RICTOR: variants seen among roughly 807,000 people sequenced by gnomAD.
The protein encoded by RICTOR is RPTOR independent companion of MTOR complex 2.
Under a neutral mutation model 214.9 loss-of-function variants are expected in RICTOR, and 49 were observed. The ratio of observed to expected loss-of-function variants is 0.23; its 90% CI spans 0.18 to 0.29. The LOEUF (loss-of-function observed/expected upper bound fraction) is 0.29, where lower values mean the gene tolerates loss of function less well. Ranked by LOEUF, RICTOR falls within the 10% of genes least tolerant of loss-of-function variation. RICTOR has a pLI of 1.00. For synonymous variants in RICTOR, 717 were observed against 711.3 expected (o/e 1.01, Z -0.13); for missense variants, 1,625 against 2,047.0 (o/e 0.79, Z 3.98).
intron 2 of RICTOR, among the ~76,000 whole-genome samples, chr5:39,034,351 G>C (rs186169910): frequency 6.6e-6 from 1 of 152,284 alleles, no homozygotes; most frequent in Admixed American, 6.5e-5. Context: ...CAAGATGGCC[G>C]AATAGGAATG....
chr5:38,961,613 T>G (rs1273290831), intron 19 of RICTOR, among the ~76,000 whole-genome samples: 3 of 152,190 alleles, frequency 2.0e-5, no homozygotes, highest in Non-Finnish European at 4.4e-5. Flanking sequence ...ATCATCTGTG[T>G]TCTCAAGGAG....
intron 2 of RICTOR, among the ~76,000 whole-genome samples, chr5:39,067,342 C>A (rs1758978447): frequency 6.6e-6 from 1 of 152,098 alleles, no homozygotes; most frequent in Non-Finnish European, 1.5e-5. Context: ...CCAGAACTCA[C>A]TATTGCAAAA....
chr5:39,018,458 T>C (rs1755138963), intron 3 of RICTOR, among the ~76,000 whole-genome samples: 1 of 152,188 alleles, frequency 6.6e-6, no homozygotes, highest in South Asian at 2.1e-4. Flanking sequence ...GCAAACCTGC[T>C]TCAAGCAAGT....
In RICTOR at chr5:38,953,461, C is replaced by A; in HGVS notation, c.2790G>T (p.Leu930Phe). 1.4e-6 allele frequency: 2 copies of A among 1,407,320 alleles called. No homozygotes were observed. Among genetic ancestry groups the A allele is most frequent in the East Asian group, 2.5e-5 (1 of 39,362 alleles). The allele number at this position is 1,407,320 out of a possible 1,614,324, so 87.2% of individuals were successfully genotyped here. Residue 930 changes from leucine (L) to phenylalanine (F), a missense_variant and splice_region_variant, in exon 28 of 38, where the codon TTG (leucine) becomes TTT (phenylalanine). Transcript: ENST00000357387. ...IKKLKASLWA[L>F]GNIGSSNWGL... is the part of the protein sequence containing the mutation. ...TCTTACAGAAGTGTTTATTACAAACCAAGGCCCAAAGAGATGCTTTCAGTT... is the reference window on the plus strand; with the variant it reads ...TCTTACAGAAGTGTTTATTACAAACAAAGGCCCAAAGAGATGCTTTCAGTT...
At position 38,950,493 on chromosome 5, in the gene RICTOR, T is replaced by C. The variant is rs1466811394; in HGVS notation, c.3355A>G (p.Lys1119Glu). The change falls in exon 31 of 38, where the codon AAA becomes GAA. Residue 1119 changes from lysine (K) to glutamate (E), a missense_variant. Lys to Glu is a moderately conservative substitution (Grantham distance 56). Around this residue, in one of 5 missense-constraint regions of RICTOR, gnomAD observed 1,214 missense variants for 1,470.5 expected, o/e 0.83. Transcript: ENST00000357387. ...CTTGTCTTACTTTCAGATGATAATT[T>C]CCCTCCTTTTGGATCACTGCTACTA... is the stretch of plus-strand genomic sequence containing the variant. ...HRSSSDPKGG[K>E]LSSESKTSNR... The C allele has an allele frequency of 2.5e-6, 4 of 1,613,352 alleles. No homozygotes were observed. Among genetic ancestry groups the C allele is most frequent in the East Asian group, 4.5e-5 (2 of 44,866 alleles).
intron 10 of RICTOR, among the ~76,000 whole-genome samples, chr5:38,972,422 A>G (rs566223568): frequency 6.6e-6 from 1 of 152,232 alleles, no homozygotes; most frequent in Non-Finnish European, 1.5e-5. Flanking sequence ...AAAATTTTTA[A>G]GTTACAGAAC....
At chr5:38,944,684 T>C in intron 35 of RICTOR, 115 bp from the exon 36 acceptor site, 5 of 991,500 alleles carry the variant, frequency 5.0e-6, no homozygotes, top group Middle Eastern at 3.0e-4. Context: ...TTACACATGA[T>C]CTACCAATCA....
At position 39,009,277 on chromosome 5, in the gene RICTOR, C is replaced by T. The variant is rs147274973; in HGVS notation, c.196-5655G>A. On this transcript the variant is annotated intron_variant, in intron 3 of 37. Coordinates refer to ENST00000357387, the MANE Select transcript of RICTOR (RefSeq NM_152756.5). ...TTTTCAAATTATCTACCTTCTCAGA[C>T]GAGAAAAATATATGACCATTTATCA... 1.1e-4 allele frequency among the ~76,000 whole-genome samples: 16 copies of T among 152,070 alleles called. No homozygotes were observed. In the East Asian group the frequency reaches 2.5e-3, roughly 24 times the overall value.
chr5:39,047,241 AG>A, intron 2 of RICTOR, among the ~76,000 whole-genome samples: 1 of 152,304 alleles, frequency 6.6e-6, no homozygotes, highest in East Asian at 1.9e-4. Context: ...TTCAATGGAC[AG>A]GGTCAAGTGG....
chr5:39,074,054 G>T, intron 2 of RICTOR, 57 bp downstream of exon 2: 4 of 1,380,214 alleles, frequency 2.9e-6, no homozygotes, highest in East Asian at 3.0e-5. Context: ...CCCCAGCCCC[G>T]GACCCGGCTC....
intron 2 of RICTOR, among the ~76,000 whole-genome samples, chr5:39,053,849 C>A (rs1193729545): frequency 3.7e-5 from 5 of 136,304 alleles, no homozygotes; most frequent in Non-Finnish European, 7.6e-5. Flanking sequence ...GCCGAGATTG[C>A]GCCACTGCAC....
chr5:39,005,258 A>G (rs988166097), intron 3 of RICTOR, among the ~76,000 whole-genome samples: 9 of 152,190 alleles, frequency 5.9e-5, no homozygotes, highest in Non-Finnish European at 1.0e-4. Flanking sequence ...ATATATTTTC[A>G]AAACTACTTC....
chr5:38,942,452 A>ATTTT, intron 37 of RICTOR, 74 bp from the exon 38 acceptor site: 27 of 564,274 alleles, frequency 4.8e-5, no homozygotes, highest in South Asian at 8.4e-5. Flanking sequence ...TAAATATCTA[A>ATTTT]TTTTTTTTTT....
chr5:38,964,816 A>G lies in RICTOR; in HGVS notation c.1376T>C (p.Phe459Ser). Residue 459 changes from phenylalanine to serine, a missense_variant, in exon 16 of 38, where the codon TTT becomes TCT. Transcript: ENST00000357387. The stretch of plus-strand genomic sequence containing the variant: ...CAGTCTCTTTTCCTTGGGGATATCA[A>G]AGGATGCAGCCATATTCATTAGGGT... ...LPTLMNMAAS[F>S]DIPKEKRLRA... 1 of 1,597,304 alleles carries G rather than the reference A, an allele frequency of 6.3e-7. No homozygotes were observed. The highest frequency in any genetic ancestry group is 8.6e-7 in the Non-Finnish European group (1 of 1,167,784).
chr5:38,953,390 T>G (rs1748961674), intron 28 of RICTOR, 71 bp downstream of exon 28: 2 of 639,132 alleles, frequency 3.1e-6, no homozygotes, highest in South Asian at 5.3e-5. Context: ...ATTTATCTAT[T>G]TAGTATAAAT....
At chr5:39,007,029 T>C (rs2150113931) in intron 3 of RICTOR, among the ~76,000 whole-genome samples, 1 of 152,230 alleles carries the variant, frequency 6.6e-6, no homozygotes, top group East Asian at 1.9e-4. Flanking sequence ...AACATAAAAT[T>C]TTCTAAGTTT....
chr5:38,978,842 TTTAAA>T (rs1282812720), intron 8 of RICTOR, among the ~76,000 whole-genome samples, 192 bp from the exon 9 acceptor site: 1 of 152,082 alleles, frequency 6.6e-6, no homozygotes, highest in Non-Finnish European at 1.5e-5. Flanking sequence ...GTTCTGAACT[TTTAAA>T]TTGAGGTTTA....
intron 32 of RICTOR, 27 bp from the exon 33 acceptor site, chr5:38,946,579 G>A (rs201053130): frequency 1.4e-6 from 2 of 1,385,648 alleles, no homozygotes; most frequent in Admixed American, 1.7e-5. Flanking sequence ...ACCATGGTAA[G>A]TCCTGCTATA....
chr5:39,063,469 T>C (rs1758686542), intron 2 of RICTOR, among the ~76,000 whole-genome samples: 1 of 152,186 alleles, frequency 6.6e-6, no homozygotes. Context: ...TGCAGAGCTC[T>C]ACCTATTTGA....
Sources: gnomAD v4.1 joint callset for allele counts (sites outside exome capture counted in the v4.1 genomes callset) on GRCh38, gnomAD v4.1.1 for gene constraint, gnomAD v4.1.1 regional missense constraint, MANE v1.5 for transcripts, NCBI Gene and HGNC (gene_info 2026-07-23, HGNC 2026-07-21) for gene names.